The following ZFYVE1 variants were observed in gnomAD, a reference collection of about 807,000 sequenced individuals.
ZFYVE1 encodes the protein zinc finger FYVE-type containing 1, also known as zinc finger FYVE domain-containing protein 1.
A neutral mutation model predicts 74.4 loss-of-function variants in ZFYVE1; 30 were observed. The observed-to-expected ratio is 0.40, with a 90% CI of 0.30 to 0.55. The LOEUF is 0.55. ZFYVE1 is among the 20% of genes least tolerant of loss of function. The probability of loss-of-function intolerance (pLI) is 0.42; values close to 1 mark genes in which losing one functional copy is unlikely to be tolerated. For missense variants in ZFYVE1, 703 were observed against 1,011.6 expected, an observed-to-expected ratio of 0.69 and a Z score of 4.14; for synonymous variants, 335 against 385.1, an observed-to-expected ratio of 0.87 and a Z score of 1.52.
chr14:73,021,525 G>A (rs1894319408), intron 2 of ZFYVE1, among the ~76,000 whole-genome samples: 1 of 152,198 alleles, frequency 6.6e-6, no homozygotes, highest in Admixed American at 6.5e-5. Flanking sequence ...TTATAACCTA[G>A]ATTTATGTCA....
intron 4 of ZFYVE1, 30 bp downstream of exon 4, chr14:72,993,113 G>A (rs764202700): frequency 9.7e-6 from 15 of 1,546,866 alleles, no homozygotes; most frequent in Non-Finnish European, 1.3e-5. Flanking sequence ...GCACCCCAAT[G>A]AGAAGCCCTT....
chr14:72,977,782 A>C, intron 8 of ZFYVE1, 145 bp downstream of exon 8: 2 of 770,276 alleles, frequency 2.6e-6, no homozygotes, highest in Non-Finnish European at 4.1e-6. Context: ...AGAACAAAAA[A>C]GCTCTCCAGA....
intron 2 of ZFYVE1, among the ~76,000 whole-genome samples, chr14:73,023,356 A>ATATT (rs1215880110): frequency 6.6e-5 from 4 of 61,046 alleles, no homozygotes; most frequent in South Asian, 3.5e-4. Context: ...TATAATATAT[A>ATATT]TTATATATGT....
rs765709384 is a variant in ZFYVE1 at position 73,024,357 on chromosome 14, C to A, written c.152G>T (p.Arg51Leu). 38 of 1,614,052 alleles carry A rather than the reference C, an allele frequency of 2.4e-5. No homozygotes were observed. Among genetic ancestry groups the A allele is most frequent in the Non-Finnish European group, 3.1e-5 (37 of 1,180,044 alleles). ...CTCATGGTTTCTCAGGCGCTCCTGC[C>A]GATGGAGCTCCTCCTCGCAGCGGAG... is the stretch of plus-strand genomic sequence containing the variant. ...QCLRCEEELH[R>L]QERLRNHERI... The change falls in exon 2 of 12, where the codon CGG (arginine) becomes CTG (leucine). Residue 51 changes from arginine (R) to leucine (L), a missense_variant. This residue lies in a region of ZFYVE1 where 211 missense variants were observed against 221.7 expected (regional missense o/e 0.95). Transcript: ENST00000556143.
At chr14:72,972,671 C>T (rs1289899300) in intron 11 of ZFYVE1, among the ~76,000 whole-genome samples, 1 of 152,128 alleles carries the variant, frequency 6.6e-6, no homozygotes, top group African/African-American at 2.4e-5. Flanking sequence ...AATACAAATA[C>T]CCCTCACATC....
Position 72,970,826 on chromosome 14 carries a change from T to C in ZFYVE1, c.*56A>G. The C allele has an allele frequency of 1.3e-6, 2 of 1,579,230 alleles. No individual in the cohort carries two copies. Among genetic ancestry groups the C allele is most frequent in the South Asian group, 2.3e-5 (2 of 87,950 alleles). On this transcript the variant is annotated 3_prime_UTR_variant, in exon 12 of 12. Coordinates refer to ENST00000556143, the MANE Select transcript of ZFYVE1 (RefSeq NM_021260.4). ...GGGAGGAGGGCCTACCTCGCAAGAC[T>C]GTTTCTAACCCTGAGAACCTAAGGA... is the stretch of plus-strand genomic sequence containing the variant.
intron 3 of ZFYVE1, among the ~76,000 whole-genome samples, chr14:72,995,852 T>C (rs908442944): frequency 2.6e-5 from 4 of 152,202 alleles, no homozygotes; most frequent in African/African-American, 4.8e-5. Context: ...CTACTGCCAC[T>C]GCCCTGGCTG....
In ZFYVE1 at chr14:72,973,512, C is replaced by A. The variant is rs865907129; in HGVS notation, c.2101+568G>T. Among the ~76,000 whole-genome samples, 92 of 147,156 alleles carry A rather than the reference C, an allele frequency of 6.3e-4. No individual in the cohort carries two copies. The South Asian group carries it at 6.6e-3, about 10-fold the overall frequency. ...TCAAAAAAACAAACAAACAAACAAA[C>A]AAAAAAAAAGAGATGGGCAGCATCC... On this transcript the variant is annotated intron_variant, in intron 11 of 11. Transcript: ENST00000556143.
At chr14:72,974,321 C>T in intron 10 of ZFYVE1, 128 bp from the exon 11 acceptor site, 1 of 854,268 alleles carries the variant, frequency 1.2e-6, no homozygotes. Context: ...GCAACTACTG[C>T]AAGGGTCTGT....
intron 4 of ZFYVE1, among the ~76,000 whole-genome samples, chr14:72,992,690 C>T (rs1263001121): frequency 6.8e-6 from 1 of 147,406 alleles, no homozygotes; most frequent in Non-Finnish European, 1.5e-5. Flanking sequence ...TGCTCCTAAA[C>T]GCCCCCCGAA....
chr14:72,975,494 C>A lies in ZFYVE1; in HGVS notation c.1806+57G>T. ...AGAACAAGCTTAGCACAGGGCAAAG[C>A]GGCATTAAGTAGGATGGGCTGTGCC... On this transcript the variant is annotated intron_variant, in intron 9 of 11. Coordinates refer to ENST00000556143, the MANE Select transcript of ZFYVE1 (RefSeq NM_021260.4). The surrounding 1 kb of genome is among the most constrained non-coding windows in gnomAD (Gnocchi z 4.1). 2 of 1,558,638 alleles carry A rather than the reference C, an allele frequency of 1.3e-6. No homozygotes were observed. The highest frequency in any genetic ancestry group is 1.9e-5 in the Admixed American group (1 of 52,132).
intron 2 of ZFYVE1, among the ~76,000 whole-genome samples, chr14:73,015,045 A>C (rs1249674066): frequency 6.6e-6 from 1 of 151,918 alleles, no homozygotes; most frequent in Non-Finnish European, 1.5e-5. Context: ...AGCCTGGTCA[A>C]CATGGTGAAA....
intron 2 of ZFYVE1, among the ~76,000 whole-genome samples, chr14:73,011,939 A>C (rs1269671584): frequency 6.6e-6 from 1 of 151,506 alleles, no homozygotes; most frequent in Admixed American, 6.6e-5. Flanking sequence ...GATATGGCCC[A>C]GTGTGGTGGC....
intron 3 of ZFYVE1, among the ~76,000 whole-genome samples, chr14:72,996,579 G>A (rs1041327459): frequency 6.6e-6 from 1 of 152,078 alleles, no homozygotes; most frequent in Non-Finnish European, 1.5e-5. Context: ...TTCTCTGAAC[G>A]CAATTTGTTC....
intron 4 of ZFYVE1, among the ~76,000 whole-genome samples, chr14:72,982,780 C>T (rs1468095242): frequency 6.6e-6 from 1 of 151,652 alleles, no homozygotes; most frequent in African/African-American, 2.4e-5. Context: ...CATAAACGGG[C>T]AGAAGAGAAT....
chr14:73,002,899 G>T (rs1461966049), intron 2 of ZFYVE1, among the ~76,000 whole-genome samples: 4 of 142,128 alleles, frequency 2.8e-5, no homozygotes, highest in Non-Finnish European at 4.6e-5. Flanking sequence ...CCGCCACCAC[G>T]CCCGGCTAAT....
At chr14:73,017,595 C>T (rs1227569793) in intron 2 of ZFYVE1, among the ~76,000 whole-genome samples, 1 of 152,270 alleles carries the variant, frequency 6.6e-6, no homozygotes, top group East Asian at 1.9e-4. Flanking sequence ...TTTGTACAAA[C>T]CAAATGCCTA....
At chr14:72,980,531 TAA>T (rs72308056) in intron 5 of ZFYVE1, among the ~76,000 whole-genome samples, 27,932 of 103,788 alleles carry the variant, frequency 0.27, 3,219 homozygotes, top group Non-Finnish European at 0.32. Flanking sequence ...ACCTGAGAAT[TAA>T]TTAATTTATT....
At chr14:73,025,693 C>CAA (rs34131740) in intron 1 of ZFYVE1, among the ~76,000 whole-genome samples, 840 of 75,782 alleles carry the variant, frequency 0.011, 9 homozygotes, top group East Asian at 0.02. Flanking sequence ...AAGACTCCCT[C>CAA]AAAAAAAAAA....
Sources: gnomAD v4.1 joint callset for allele counts (sites outside exome capture counted in the v4.1 genomes callset) on GRCh38, gnomAD v4.1.1 for gene constraint, gnomAD v4.1.1 regional missense constraint, Gnocchi (gnomAD v3.1) non-coding constraint, MANE v1.5 for transcripts, NCBI Gene and HGNC (gene_info 2026-07-23, HGNC 2026-07-21) for gene names.